SERTAD1: variants seen among roughly 807,000 people sequenced by gnomAD.
SERTAD1 encodes SERTA domain-containing protein 1.
Under a neutral mutation model 11.7 loss-of-function variants are expected in SERTAD1, and 5 were observed. That is an observed-to-expected ratio of 0.43 (90% CI 0.22 to 0.90). The LOEUF (loss-of-function observed/expected upper bound fraction) is 0.90, where lower values mean the gene tolerates loss of function less well. Among genes scored for constraint, SERTAD1 ranks in the 40% least tolerant of loss-of-function variants. The pLI is 0.27. For synonymous variants in SERTAD1, 139 were observed against 141.4 expected (o/e 0.98, Z 0.12); for missense variants, 287 against 313.9 (o/e 0.91, Z 0.65).
rs1003407193 is a variant in SERTAD1, at chr19:40,421,956, G to C, written c.*880C>G. The C allele has an allele frequency of 6.6e-6, 1 of 151,968 alleles. No individual in the cohort carries two copies. Among genetic ancestry groups the C allele is most frequent in the African/African-American group, 2.4e-5 (1 of 41,382 alleles). The allele number at this position is 151,968 out of a possible 1,614,324, so 9.4% of individuals were successfully genotyped here. On this transcript the variant is annotated 3_prime_UTR_variant, in exon 2 of 2. Transcript: ENST00000357949. ...GAGGTCAGAAGATGAAGACCATCCT[G>C]GCTAACACGGTGAAACCCTGTCTCT...
chr19:40,425,450 C>T (rs1238000140), intron 1 of SERTAD1, among the ~76,000 whole-genome samples: 1 of 152,156 alleles, frequency 6.6e-6, no homozygotes, highest in East Asian at 1.9e-4. Flanking sequence ...CTAGCGGTGC[C>T]CAGGCCGGCT....
chr19:40,422,771 C>T lies in SERTAD1; in HGVS notation c.*65G>A, dbSNP rs1461156087. 12 of 1,473,578 alleles carry T rather than the reference C, an allele frequency of 8.1e-6. No individual in the cohort carries two copies. In the Admixed American group the frequency reaches 1.2e-4, roughly 14 times the overall value. 91.3% of individuals were successfully genotyped at this position (1,473,578 alleles called of 1,614,324 possible). On this transcript the variant is annotated 3_prime_UTR_variant, in exon 2 of 2. Transcript: ENST00000357949. ...ACTAGGGAAGCCAGCTGTGTCTTTT[C>T]GAGGACAGTTGGTCCAGCCAGCAGG...
intron 1 of SERTAD1, among the ~76,000 whole-genome samples, chr19:40,423,884 AC>A (rs2079607595): frequency 6.6e-6 from 1 of 151,648 alleles, no homozygotes; most frequent in Non-Finnish European, 1.5e-5. Flanking sequence ...ATGCCACCAC[AC>A]CCGGCTAATT....
rs771161571 is a variant in SERTAD1 at position 40,423,519 on chromosome 19, G to A, written c.28C>T (p.Arg10Trp). 39 of 1,607,294 alleles carry A rather than the reference G, an allele frequency of 2.4e-5. No individual in the cohort carries two copies. The South Asian group carries it at 2.8e-4, about 11-fold the overall frequency. Reference sequence around the variant, plus strand: ...GGTTCCTTCTCCTCCTCCTCCTCCCGTTTCCGCTTCAGACCCTTGCTCAGC... The same window carrying A: ...GGTTCCTTCTCCTCCTCCTCCTCCCATTTCCGCTTCAGACCCTTGCTCAGC... MLSKGLKRK[R>W]EEEEEKEPLA... Residue 10 changes from arginine to tryptophan, a missense_variant, in exon 2 of 2, where the codon CGG (arginine) becomes TGG (tryptophan). Transcript: ENST00000357949.
chr19:40,422,704 T>C lies in SERTAD1; in HGVS notation c.*132A>G. Reference sequence around the variant, plus strand: ...GGACGGATGTGAAGTTGCCCAGGACTAGATTCTGTCTCTCCAAAGTGGCCC... The same window carrying C: ...GGACGGATGTGAAGTTGCCCAGGACCAGATTCTGTCTCTCCAAAGTGGCCC... On this transcript the variant is annotated 3_prime_UTR_variant, in exon 2 of 2. Coordinates refer to ENST00000357949, the MANE Select transcript of SERTAD1 (RefSeq NM_013376.4). 1 of 1,017,740 alleles carries C rather than the reference T, an allele frequency of 9.8e-7. No homozygotes were observed. Among genetic ancestry groups the C allele is most frequent in the Non-Finnish European group, 1.4e-6 (1 of 720,652 alleles). 63.0% of individuals were successfully genotyped at this position (1,017,740 alleles called of 1,614,324 possible).
rs112195702 is a variant in SERTAD1, at chr19:40,421,853, GAA to G, written c.*981_*982del. On this transcript the variant is annotated 3_prime_UTR_variant, in exon 2 of 2. Coordinates refer to ENST00000357949, the MANE Select transcript of SERTAD1 (RefSeq NM_013376.4). ...AGCAAAGAAAAGAAATAAAATTTAA[GAA>G]AAAAAAAAAAAGGCCAGGCACAGTG... 67 of 131,470 alleles carry G rather than the reference GAA, an allele frequency of 5.1e-4. No individual in the cohort carries two copies. The highest frequency in any genetic ancestry group is 1.8e-3 in the African/African-American group (64 of 36,086). The allele number at this position is 131,470 out of a possible 1,614,324, so 8.1% of individuals were successfully genotyped here. A position where few individuals can be genotyped will look rare whatever the true frequency, so the allele number is the denominator to read the frequency against.
In SERTAD1 at chr19:40,423,525, G is replaced by A. The variant is rs115956398; in HGVS notation, c.22C>T (p.Arg8Trp). Residue 8 changes from arginine (R) to tryptophan (W), a missense_variant, in exon 2 of 2, where the codon CGG (arginine) becomes TGG (tryptophan). Transcript: ENST00000357949. MLSKGLK[R>W]KREEEEEKEP... The stretch of plus-strand genomic sequence containing the variant: ...TTCTCCTCCTCCTCCTCCCGTTTCC[G>A]CTTCAGACCCTTGCTCAGCATCTGC... The A allele has an allele frequency of 1.1e-5, 17 of 1,602,326 alleles. No individual in the cohort carries two copies. Among genetic ancestry groups the A allele is most frequent in the Middle Eastern group, 1.7e-4 (1 of 6,030 alleles).
chr19:40,424,188 CT>C (rs2079608660), intron 1 of SERTAD1, among the ~76,000 whole-genome samples: 1 of 142,956 alleles, frequency 7.0e-6, no homozygotes, highest in African/African-American at 3.0e-5. Context: ...TTTTTTTTCC[CT>C]TTTATTTTTT....
intron 1 of SERTAD1, 70 bp from the exon 2 acceptor site, chr19:40,423,616 T>C: frequency 9.8e-7 from 1 of 1,016,112 alleles, no homozygotes; most frequent in South Asian, 1.6e-5. Context: ...AAAGCCTGGA[T>C]CTGACAGTTG....
Position 40,423,343 on chromosome 19 carries a change from C to T in SERTAD1, c.204G>A (p.Val68=). 1 of 1,613,096 alleles carries T rather than the reference C, an allele frequency of 6.2e-7. No individual in the cohort carries two copies. The highest frequency in any genetic ancestry group is 2.2e-5 in the East Asian group (1 of 44,870). Residue 68 remains valine (V), a synonymous_variant, in exon 2 of 2, where the codon GTG becomes GTA. Transcript: ENST00000357949. The part of the protein sequence containing the change: ...QQSEPDLRHL[V]LVVNTLRRIQ... ...TGCGCCGCAGAGTGTTCACGACCAG[C>T]ACCAGGTGCCGCAGGTCCGGCTCAC...
In SERTAD1 at chr19:40,423,292, A is replaced by AGCC. The variant is rs745614340; in HGVS notation, c.252_254dup (p.Ala86dup). 1 of 1,608,220 alleles carries AGCC rather than the reference A, an allele frequency of 6.2e-7. No individual in the cohort carries two copies. Among genetic ancestry groups the AGCC allele is most frequent in the Non-Finnish European group, 8.5e-7 (1 of 1,177,104 alleles). On this transcript the variant is annotated inframe_insertion, in exon 2 of 2. Transcript: ENST00000357949. Reference sequence around the variant, plus strand: ...GTGGGCTAGGCACAGGTGGCAGGGCAGCCGCGGGTGCCATGGACGCCTGGA... The same window carrying AGCC: ...GTGGGCTAGGCACAGGTGGCAGGGCAGCCGCCGCGGGTGCCATGGACGCCTGGA...
Position 40,423,373 on chromosome 19 carries a change from C to T in SERTAD1, c.174G>A (p.Gln58=). 3.1e-6 allele frequency: 5 copies of T among 1,613,462 alleles called. No homozygotes were observed. Among genetic ancestry groups the T allele is most frequent in the Non-Finnish European group, 4.2e-6 (5 of 1,180,014 alleles). Residue 58 remains glutamine (Q), a synonymous_variant, in exon 2 of 2, where the codon CAG becomes CAA. Transcript: ENST00000357949. ...LSVLKLHHSL[Q]QSEPDLRHLV... is the part of the protein sequence containing the mutation. ...GGTGCCGCAGGTCCGGCTCACTCTGCTGCAGGCTGTGGTGGAGCTTGAGCA... is the reference window on the plus strand; with the variant it reads ...GGTGCCGCAGGTCCGGCTCACTCTGTTGCAGGCTGTGGTGGAGCTTGAGCA...
intron 1 of SERTAD1, among the ~76,000 whole-genome samples, chr19:40,424,099 T>G (rs2079608280): frequency 6.6e-6 from 1 of 152,044 alleles, no homozygotes; most frequent in Admixed American, 6.6e-5. Flanking sequence ...AAAATAAAGA[T>G]GGGGTCTCAC....
chr19:40,423,531 G>C lies in SERTAD1; in HGVS notation c.16C>G (p.Leu6Val). The C allele has an allele frequency of 1.3e-6, 2 of 1,599,458 alleles. No individual in the cohort carries two copies. Among genetic ancestry groups the C allele is most frequent in the East Asian group, 2.2e-5 (1 of 44,832 alleles). The change falls in exon 2 of 2, where the codon CTG becomes GTG. Residue 6 changes from leucine to valine, a missense_variant. Coordinates refer to ENST00000357949, the MANE Select transcript of SERTAD1 (RefSeq NM_013376.4). MLSKG[L>V]KRKREEEEEK... ...TCCTCCTCCTCCCGTTTCCGCTTCA[G>C]ACCCTTGCTCAGCATCTGCAGAGGG... is the stretch of plus-strand genomic sequence containing the variant.
rs2079603342 is a variant in SERTAD1, at chr19:40,422,944, C to T, written c.603G>A (p.Gly201=). 4 of 1,609,018 alleles carry T rather than the reference C, an allele frequency of 2.5e-6. No individual in the cohort carries two copies. Among genetic ancestry groups the T allele is most frequent in the Non-Finnish European group, 3.4e-6 (4 of 1,177,646 alleles). Residue 201 remains glycine, a synonymous_variant, in exon 2 of 2, where the codon GGG becomes GGA. Transcript: ENST00000357949. ...SEGLKPGPED[G]PGKEEAPELD... is the part of the protein sequence containing the mutation. Reference sequence around the variant, plus strand: ...GCTCCGGAGCTTCCTCCTTGCCCGGCCCATCCTCAGGGCCTGGTTTGAGGC... The same window carrying T: ...GCTCCGGAGCTTCCTCCTTGCCCGGTCCATCCTCAGGGCCTGGTTTGAGGC...
At chr19:40,425,469 G>C (rs1216229277) in intron 1 of SERTAD1, among the ~76,000 whole-genome samples, 3 of 152,098 alleles carry the variant, frequency 2.0e-5, no homozygotes, top group Non-Finnish European at 2.9e-5. Flanking sequence ...CTTTCCCCCG[G>C]GGATTCTGGC....
intron 1 of SERTAD1, among the ~76,000 whole-genome samples, chr19:40,425,375 G>A (rs1306714153): frequency 6.6e-6 from 1 of 152,166 alleles, no homozygotes; most frequent in Non-Finnish European, 1.5e-5. Context: ...CCCGCAGTCC[G>A]GGGAGTCCGG....
Position 40,423,095 on chromosome 19 carries a change from C to T in SERTAD1, c.452G>A (p.Ser151Asn). ...GCCCAGCAGGTCCAAGGCACCCAGG[C>T]TGGGCGCTGCTCCCCCGATGCTACG... Reference protein sequence around the residue: ...PGRSIGGAAPSLGALDLLGPA... With the variant: ...PGRSIGGAAPNLGALDLLGPA... The change falls in exon 2 of 2, where the codon AGC becomes AAC. Residue 151 changes from serine (S) to asparagine (N), a missense_variant. Coordinates refer to ENST00000357949, the MANE Select transcript of SERTAD1 (RefSeq NM_013376.4). 6.3e-7 allele frequency: 1 copy of T among 1,593,382 alleles called. No individual in the cohort carries two copies. The highest frequency in any genetic ancestry group is 8.5e-7 in the Non-Finnish European group (1 of 1,170,498).
In SERTAD1 at chr19:40,423,517, C is replaced by A. The variant is rs1257829293; in HGVS notation, c.30G>T (p.Arg10=). The A allele has an allele frequency of 6.8e-6, 11 of 1,608,234 alleles. No homozygotes were observed. The highest frequency in any genetic ancestry group is 9.3e-6 in the Non-Finnish European group (11 of 1,177,866). The change falls in exon 2 of 2, where the codon CGG becomes CGT. Residue 10 remains arginine (R), a synonymous_variant. Transcript: ENST00000357949. The stretch of plus-strand genomic sequence containing the variant: ...GAGGTTCCTTCTCCTCCTCCTCCTC[C>A]CGTTTCCGCTTCAGACCCTTGCTCA... The part of the protein sequence containing the change: MLSKGLKRK[R]EEEEEKEPLA...
Sources: gnomAD v4.1 joint callset for allele counts (sites outside exome capture counted in the v4.1 genomes callset) on GRCh38, gnomAD v4.1.1 for gene constraint, MANE v1.5 for transcripts, NCBI Gene and HGNC (gene_info 2026-07-23, HGNC 2026-07-21) for gene names.